The following MAN2A1 variants were observed in gnomAD, a reference collection of about 807,000 sequenced individuals.
The protein encoded by MAN2A1 is mannosidase alpha class 2A member 1, also known as alpha-mannosidase 2.
MAN2A1 carries 76 observed loss-of-function variants against 142.6 expected under a neutral mutation model. That is an observed-to-expected ratio of 0.53 (90% CI 0.44 to 0.65). The LOEUF is 0.65. Ranked by LOEUF, MAN2A1 falls within the 30% of genes least tolerant of loss-of-function variation. MAN2A1 has a pLI of 0.00. For synonymous variants in MAN2A1, 559 were observed against 473.2 expected (o/e 1.18, Z -2.35); for missense variants, 1,311 against 1,365.1 (o/e 0.96, Z 0.62).
intron 12 of MAN2A1, chr5:109,794,179 G>T (rs1385897857): frequency 6.6e-6 from 1 of 152,134 alleles, no homozygotes; most frequent in African/African-American, 2.4e-5. Context: ...GAGGCATTTG[G>T]AGCTTAACGG....
chr5:109,704,870 G>T (rs913508066), intron 1 of MAN2A1, among the ~76,000 whole-genome samples: 93 of 152,200 alleles, frequency 6.1e-4, no homozygotes, highest in African/African-American at 2.1e-3. Context: ...AGATCTCTGC[G>T]CTTTTCTAGG....
chr5:109,728,797 CCT>C (rs1362496315), intron 3 of MAN2A1, among the ~76,000 whole-genome samples: 1 of 151,914 alleles, frequency 6.6e-6, no homozygotes, highest in East Asian at 1.9e-4. Flanking sequence ...CAGAATTCTA[CCT>C]CTCAGTGTTC....
At chr5:109,852,561 A>G (rs1424635159) in intron 19 of MAN2A1, among the ~76,000 whole-genome samples, 1 of 152,186 alleles carries the variant, frequency 6.6e-6, no homozygotes, top group Non-Finnish European at 1.5e-5. Flanking sequence ...GCTGGAACCC[A>G]GTGAGGAAGA....
rs553277772 is a variant in MAN2A1 at position 109,821,642 on chromosome 5, C to G, written c.2451+1300C>G. The stretch of plus-strand genomic sequence containing the variant: ...AGTAAGTTAGTAGAAAAATATTTTT[C>G]TGTTAAGATTTTTGTGGTTACTAGT... On this transcript the variant is annotated intron_variant, in intron 15 of 21. Transcript: ENST00000261483. 3.9e-5 allele frequency among the ~76,000 whole-genome samples: 6 copies of G among 152,184 alleles called. No individual in the cohort carries two copies. In the South Asian group the frequency reaches 1.2e-3, roughly 32 times the overall value.
chr5:109,761,387 A>G (rs1225977918), intron 5 of MAN2A1, among the ~76,000 whole-genome samples: 1 of 151,846 alleles, frequency 6.6e-6, no homozygotes, highest in African/African-American at 2.4e-5. Context: ...TATAGTGTTT[A>G]GAAAATTATT....
At chr5:109,789,694 T>C (rs1227124304) in intron 12 of MAN2A1, among the ~76,000 whole-genome samples, 167 bp downstream of exon 12, 2 of 151,826 alleles carry the variant, frequency 1.3e-5, no homozygotes, top group Non-Finnish European at 3.0e-5. Context: ...TCAGTGCCAA[T>C]AGCTAACACA....
chr5:109,736,898 C>T (rs987703387), intron 4 of MAN2A1, among the ~76,000 whole-genome samples: 8 of 152,076 alleles, frequency 5.3e-5, no homozygotes, highest in Non-Finnish European at 1.0e-4. Flanking sequence ...GTCTGACTAG[C>T]TTTTATGTTT....
chr5:109,772,120 C>T (rs867048138), intron 7 of MAN2A1, among the ~76,000 whole-genome samples: 2 of 152,094 alleles, frequency 1.3e-5, no homozygotes, highest in Non-Finnish European at 1.5e-5. Flanking sequence ...CTTGGCCGGG[C>T]GCAGTGGCCC....
intron 1 of MAN2A1, 42 bp downstream of exon 1, chr5:109,690,594 G>T (rs1475220455): frequency 2.6e-6 from 4 of 1,549,942 alleles, no homozygotes; most frequent in South Asian, 1.2e-5. Context: ...GAGGGGCCAG[G>T]CGTGCGGGCC....
intron 1 of MAN2A1, among the ~76,000 whole-genome samples, chr5:109,713,138 T>G (rs1188910451): frequency 6.6e-6 from 1 of 152,172 alleles, no homozygotes; most frequent in Non-Finnish European, 1.5e-5. Flanking sequence ...TGTGAGTAAC[T>G]CCAGTCAATT....
intron 1 of MAN2A1, among the ~76,000 whole-genome samples, chr5:109,709,626 G>A (rs1039808639): frequency 1.3e-5 from 2 of 152,126 alleles, no homozygotes; most frequent in African/African-American, 2.4e-5. Context: ...TTTGTTCATA[G>A]GACTGAGTGG....
intron 10 of MAN2A1, 25 bp from the exon 11 acceptor site, chr5:109,788,909 G>A: frequency 9.4e-7 from 1 of 1,063,574 alleles, no homozygotes; most frequent in Non-Finnish European, 1.5e-6. Context: ...TTGTTTCTCA[G>A]ACTAATAAAA....
At chr5:109,696,817 A>C (rs1040459139) in intron 1 of MAN2A1, among the ~76,000 whole-genome samples, 79 of 152,372 alleles carry the variant, frequency 5.2e-4, no homozygotes, top group Admixed American at 4.7e-3. Context: ...CAAAAGGCCG[A>C]AGCTCAAAAA....
At chr5:109,712,685 C>T (rs751863149) in intron 1 of MAN2A1, among the ~76,000 whole-genome samples, 1 of 152,100 alleles carries the variant, frequency 6.6e-6, no homozygotes, top group Non-Finnish European at 1.5e-5. Context: ...GACAGGGGCC[C>T]GTATCTTATG....
chr5:109,716,602 A>G (rs771081649), intron 3 of MAN2A1, among the ~76,000 whole-genome samples: 35 of 152,232 alleles, frequency 2.3e-4, no homozygotes, highest in South Asian at 6.2e-4. Context: ...TTTCATGTCT[A>G]TGAGGTCTAC....
At chr5:109,759,968 TAGATAG>T (rs1752799228) in intron 5 of MAN2A1, among the ~76,000 whole-genome samples, 65 of 52,870 alleles carry the variant, frequency 1.2e-3, no homozygotes, top group African/African-American at 9.7e-3. Flanking sequence ...TATATATAGA[TAGATAG>T]ATAGATAGAT....
At chr5:109,730,834 T>C (rs1214105961) in intron 4 of MAN2A1, among the ~76,000 whole-genome samples, 1 of 152,206 alleles carries the variant, frequency 6.6e-6, no homozygotes, top group Non-Finnish European at 1.5e-5. Context: ...TAGTCCAGGC[T>C]GTCCACCTCC....
intron 3 of MAN2A1, 106 bp from the exon 4 acceptor site, chr5:109,729,236 A>G (rs1751831122): frequency 1.1e-5 from 7 of 642,090 alleles, no homozygotes; most frequent in African/African-American, 5.8e-5. Flanking sequence ...AAATATGTCT[A>G]TGAATGAAAA....
rs866643159 is a variant in MAN2A1 at position 109,834,004 on chromosome 5, C to T, written c.2567-8324C>T. Among the ~76,000 whole-genome samples, 12 of 152,068 alleles carry T rather than the reference C, an allele frequency of 7.9e-5. No homozygotes were observed. In the South Asian group the frequency reaches 2.5e-3, roughly 32 times the overall value. Reference sequence around the variant, plus strand: ...CCCACTAAAGAAGGTGAGAGATATGCTGCTGCTTGTTTTATTTTTTTTATA... The same window carrying T: ...CCCACTAAAGAAGGTGAGAGATATGTTGCTGCTTGTTTTATTTTTTTTATA... On this transcript the variant is annotated intron_variant, in intron 16 of 21. Transcript: ENST00000261483.
Sources: gnomAD v4.1 joint callset for allele counts (sites outside exome capture counted in the v4.1 genomes callset) on GRCh38, gnomAD v4.1.1 for gene constraint, MANE v1.5 for transcripts, NCBI Gene and HGNC (gene_info 2026-07-23, HGNC 2026-07-21) for gene names.